The following SLC16A12 variants were observed in gnomAD, a reference collection of about 807,000 sequenced individuals.
SLC16A12 encodes monocarboxylate transporter 12.
In SLC16A12, 17 loss-of-function variants were observed where a neutral mutation model predicts 42.4. The ratio of observed to expected loss-of-function variants is 0.40; its 90% CI spans 0.27 to 0.60. The LOEUF (loss-of-function observed/expected upper bound fraction) is 0.60, where lower values mean the gene tolerates loss of function less well. Among genes scored for constraint, SLC16A12 ranks in the 20% least tolerant of loss-of-function variants. The pLI is 0.42. For synonymous variants in SLC16A12, 224 were observed against 229.4 expected, an observed-to-expected ratio of 0.98 and a Z score of 0.21; for missense variants, 544 against 623.0, an observed-to-expected ratio of 0.87 and a Z score of 1.35.
intron 2 of SLC16A12, among the ~76,000 whole-genome samples, chr10:89,533,562 C>T (rs1843593448): frequency 1.3e-5 from 2 of 152,074 alleles, no homozygotes. Context: ...CACTTCAACA[C>T]TATAATTCAT....
chr10:89,453,391 C>A (rs1842126766), intron 3 of SLC16A12, among the ~76,000 whole-genome samples: 1 of 152,050 alleles, frequency 6.6e-6, no homozygotes, highest in Non-Finnish European at 1.5e-5. Context: ...TTGGATTTAC[C>A]CTCATTATAA....
intron 2 of SLC16A12, among the ~76,000 whole-genome samples, chr10:89,518,947 A>G (rs1843302925): frequency 6.6e-6 from 1 of 152,200 alleles, no homozygotes; most frequent in Admixed American, 6.5e-5. Flanking sequence ...CTCAATATAT[A>G]TTATATACTA....
intron 2 of SLC16A12, among the ~76,000 whole-genome samples, chr10:89,545,952 C>T (rs1564605841): frequency 1.3e-5 from 2 of 152,060 alleles, no homozygotes; most frequent in Admixed American, 1.3e-4. Flanking sequence ...ATCTCCTATT[C>T]GGTAGTAAAT....
At chr10:89,436,384 A>G in intron 6 of SLC16A12, 65 bp from the exon 7 acceptor site, 3 of 1,584,000 alleles carry the variant, frequency 1.9e-6, no homozygotes, top group Non-Finnish European at 2.6e-6. Flanking sequence ...CTTTAGAGCC[A>G]CGGCTATGCA....
chr10:89,526,261 C>T (rs1027360403), intron 2 of SLC16A12, among the ~76,000 whole-genome samples: 4 of 152,128 alleles, frequency 2.6e-5, no homozygotes, highest in South Asian at 2.1e-4. Context: ...ATTTGGTTAA[C>T]GTGAATACAG....
At position 89,555,486 on chromosome 10, in the gene SLC16A12, C is replaced by CGTATATATATGT. The variant is rs1843804529; in HGVS notation, c.-47+395_-47+396insACATATATATAC. On this transcript the variant is annotated intron_variant, in intron 2 of 2. Transcript: ENST00000475682. Reference sequence around the variant, plus strand: ...GATAATATATATATGTGTATATATACGTATATATACGTATATACGTATATA... The same window carrying CGTATATATATGT: ...GATAATATATATATGTGTATATATACGTATATATATGTGTATATATACGTATATACGTATATA... Among the ~76,000 whole-genome samples, 36 of 143,952 alleles carry CGTATATATATGT rather than the reference C, an allele frequency of 2.5e-4. 2 individuals are homozygous for CGTATATATATGT. Among genetic ancestry groups the CGTATATATATGT allele is most frequent in the Admixed American group, 2.2e-3 (31 of 14,308 alleles). 94.4% of individuals were successfully genotyped at this position (143,952 alleles called of 152,430 possible).
At chr10:89,526,952 C>T (rs1234682074) in intron 2 of SLC16A12, among the ~76,000 whole-genome samples, 1 of 152,102 alleles carries the variant, frequency 6.6e-6, no homozygotes, top group African/African-American at 2.4e-5. Context: ...GTCTGCCACC[C>T]ATTGCCCTCA....
At chr10:89,546,712 T>A (rs1843744200) in intron 2 of SLC16A12, among the ~76,000 whole-genome samples, 1 of 152,222 alleles carries the variant, frequency 6.6e-6, no homozygotes, top group African/African-American at 2.4e-5. Flanking sequence ...TTAATCATTA[T>A]ACTATAAAGA....
chr10:89,519,659 T>A (rs1207362515), intron 2 of SLC16A12, among the ~76,000 whole-genome samples: 2 of 151,642 alleles, frequency 1.3e-5, no homozygotes, highest in Non-Finnish European at 2.9e-5. Context: ...AGGCAGGAAT[T>A]GATGTAGGCT....
At chr10:89,455,563 C>T (rs1842175529) in intron 3 of SLC16A12, among the ~76,000 whole-genome samples, 1 of 152,112 alleles carries the variant, frequency 6.6e-6, no homozygotes, top group South Asian at 2.1e-4. Context: ...CTTATCTGTT[C>T]TCAAAGGGGA....
chr10:89,461,152 C>T (rs763746464), intron 3 of SLC16A12, among the ~76,000 whole-genome samples: 1 of 152,134 alleles, frequency 6.6e-6, no homozygotes, highest in Non-Finnish European at 1.5e-5. Context: ...TGCATATTTA[C>T]TCCAAATATA....
chr10:89,496,276 T>C (rs985177392), intron 2 of SLC16A12, among the ~76,000 whole-genome samples: 29 of 150,898 alleles, frequency 1.9e-4, no homozygotes, highest in African/African-American at 7.1e-4. Context: ...AATGCATAAA[T>C]AAAACAAGAA....
At chr10:89,497,095 G>A (rs568102399) in intron 2 of SLC16A12, among the ~76,000 whole-genome samples, 293 of 152,238 alleles carry the variant, frequency 1.9e-3, no homozygotes, top group Middle Eastern at 3.4e-3. Context: ...ATCATTATTC[G>A]TTCATCAGTT....
chr10:89,493,128 G>A (rs1248900388), intron 2 of SLC16A12, among the ~76,000 whole-genome samples: 1 of 152,084 alleles, frequency 6.6e-6, no homozygotes, highest in Non-Finnish European at 1.5e-5. Flanking sequence ...ACGTGTTGCT[G>A]AAATTGTTTA....
At chr10:89,475,482 T>C (rs1842563656) in intron 2 of SLC16A12, among the ~76,000 whole-genome samples, 1 of 152,220 alleles carries the variant, frequency 6.6e-6, no homozygotes, top group African/African-American at 2.4e-5. Flanking sequence ...GATTTATTTA[T>C]TTTTATTGTT....
chr10:89,434,889 G>A (rs754398858), intron 7 of SLC16A12, among the ~76,000 whole-genome samples: 1 of 152,192 alleles, frequency 6.6e-6, no homozygotes, highest in African/African-American at 2.4e-5. Context: ...GGAGTGTCAA[G>A]GAATCTGCAT....
intron 3 of SLC16A12, among the ~76,000 whole-genome samples, chr10:89,457,567 C>T (rs981725608): frequency 2.6e-5 from 4 of 152,150 alleles, no homozygotes; most frequent in African/African-American, 4.8e-5. Context: ...GAAGACAGTG[C>T]GGTGATTCCT....
At chr10:89,538,494 C>T (rs1356815854), upstream of SLC16A12, among the ~76,000 whole-genome samples, 1 of 152,190 alleles carries the variant, frequency 6.6e-6, no homozygotes, top group African/African-American at 2.4e-5. Context: ...TACTGGATAG[C>T]ACTCAAAACG....
intron 2 of SLC16A12, among the ~76,000 whole-genome samples, chr10:89,544,862 CT>C (rs1482396234): frequency 1.3e-5 from 2 of 152,158 alleles, no homozygotes; most frequent in Non-Finnish European, 2.9e-5. Flanking sequence ...TCTACCACCC[CT>C]GTTTTCATAT....
Sources: allele counts gnomAD v4.1 joint callset (sites outside exome capture counted in the v4.1 genomes callset), GRCh38; gene constraint gnomAD v4.1.1; transcripts MANE v1.5; gene names NCBI Gene and HGNC (gene_info 2026-07-23, HGNC 2026-07-21).